Variants in CLTC observed in about 807,000 individuals in gnomAD.
The protein encoded by CLTC is clathrin heavy chain.
A neutral mutation model predicts 195.8 loss-of-function variants in CLTC; 16 were observed. The observed-to-expected ratio is 0.08, with a 90% confidence interval of 0.06 to 0.12. The LOEUF is 0.12. Among genes scored for constraint, CLTC ranks in the 10% least tolerant of loss-of-function variants. The probability of loss-of-function intolerance (pLI) is 1.00; values close to 1 mark genes in which losing one functional copy is unlikely to be tolerated. For synonymous variants in CLTC, 667 were observed against 689.4 expected (o/e 0.97, Z 0.51); for missense variants, 796 against 2,027.0 (o/e 0.39, Z 11.66).
chr17:59,681,463 T>C lies in CLTC; in HGVS notation c.3234T>C (p.Asn1078=), dbSNP rs2033079821. 6.2e-7 allele frequency: 1 copy of C among 1,614,040 alleles called. No individual in the cohort carries two copies. Among genetic ancestry groups the C allele is most frequent in the Non-Finnish European group, 8.5e-7 (1 of 1,179,978 alleles). Residue 1078 remains asparagine (N), a synonymous_variant, in exon 20 of 32, where the codon AAT becomes AAC. Transcript: ENST00000269122. The surrounding 1 kb of genome is among the most constrained non-coding windows in gnomAD (Gnocchi z 5.0). ...AFAIFRKFDV[N]TSAVQVLIEH... is the part of the protein sequence containing the mutation. Reference sequence around the variant, plus strand: ...CCATTTTCCGGAAATTTGATGTCAATACTTCAGCAGTTCAGGTAAATCTTC... The same window carrying C: ...CCATTTTCCGGAAATTTGATGTCAACACTTCAGCAGTTCAGGTAAATCTTC...
In CLTC at chr17:59,685,860, C is replaced by A; in HGVS notation, c.4827+52C>A. The A allele has an allele frequency of 7.8e-7, 1 of 1,280,238 alleles. No homozygotes were observed. The highest frequency in any genetic ancestry group is 1.4e-5 in the South Asian group (1 of 69,700). 79.3% of individuals were successfully genotyped at this position (1,280,238 alleles called of 1,614,324 possible). On this transcript the variant is annotated intron_variant, in intron 30 of 31. Coordinates refer to ENST00000269122, the MANE Select transcript of CLTC (RefSeq NM_004859.4). This position sits in a 1 kb window ranked among gnomAD's most constrained non-coding sequence, Gnocchi z 5.0. The stretch of plus-strand genomic sequence containing the variant: ...AACTAGTTTCCTTGCATGTAAAATT[C>A]TACATGCACATTAATTTTTTTAAAT...
Position 59,696,301 on chromosome 17 carries a change from A to ATATT in CLTC, c.*2450_*2453dup, listed in dbSNP as rs1390880463. On this transcript the variant is annotated 3_prime_UTR_variant, in exon 32 of 32. Coordinates refer to ENST00000269122, the MANE Select transcript of CLTC (RefSeq NM_004859.4). ...GTGCGAAGTGTATTAAATGAATCAA[A>ATATT]TATTAGAAATTTCAAGGCTGTCTTT... is the stretch of plus-strand genomic sequence containing the variant. The ATATT allele has an allele frequency of 5.0e-5, 11 of 221,692 alleles. No individual in the cohort carries two copies. Among genetic ancestry groups the ATATT allele is most frequent in the African/African-American group, 6.7e-5 (3 of 44,750 alleles). The allele number at this position is 221,692 out of a possible 1,614,324, so 13.7% of individuals were successfully genotyped here.
At chr17:59,674,501 A>G (rs547085563) in intron 15 of CLTC, 200 bp from the exon 16 acceptor site, 1 of 538,052 alleles carries the variant, frequency 1.9e-6, no homozygotes, top group East Asian at 3.1e-5. Context: ...TTAAACCATG[A>G]AGTCTTGTTT....
At chr17:59,652,293 T>G (rs927803222) in intron 5 of CLTC, among the ~76,000 whole-genome samples, 1 of 152,190 alleles carries the variant, frequency 6.6e-6, no homozygotes, top group African/African-American at 2.4e-5. Context: ...TCATCAGTGT[T>G]CTTAGTGGCA....
At chr17:59,644,539 GT>G (rs748545396) in intron 2 of CLTC, 56 bp downstream of exon 2, 112 of 1,136,464 alleles carry the variant, frequency 9.9e-5, no homozygotes, top group African/African-American at 1.8e-4. Context: ...GTTTTTTTTT[GT>G]TTTTTTTTTG....
rs539852096 is a variant in CLTC at position 59,620,006 on chromosome 17, C to T, written c.-126C>T. ...TCGTCTGCCTGCCAGTTTCCTGCGT[C>T]CCCGGAGAGGATCCTGCTGAGCCCA... On this transcript the variant is annotated 5_prime_UTR_variant, in exon 1 of 32. Transcript: ENST00000269122. 2 of 786,610 alleles carry T rather than the reference C, an allele frequency of 2.5e-6. No homozygotes were observed. Among genetic ancestry groups the T allele is most frequent in the Admixed American group, 2.4e-5 (1 of 41,922 alleles). The allele number at this position is 786,610 out of a possible 1,614,324, so 48.7% of individuals were successfully genotyped here.
At chr17:59,677,270 A>T in intron 17 of CLTC, 82 bp downstream of exon 17, 1 of 1,065,830 alleles carries the variant, frequency 9.4e-7, no homozygotes, top group South Asian at 1.4e-5. Flanking sequence ...ATTTTAGGTA[A>T]TATGGGACAT....
intron 1 of CLTC, among the ~76,000 whole-genome samples, chr17:59,633,921 T>A (rs1346235923): frequency 6.6e-6 from 1 of 152,196 alleles, no homozygotes; most frequent in Non-Finnish European, 1.5e-5. Context: ...ATTATATATA[T>A]TTTTTGAGAT....
chr17:59,688,101 G>A (rs1567974584), intron 30 of CLTC, among the ~76,000 whole-genome samples: 1 of 152,164 alleles, frequency 6.6e-6, no homozygotes, highest in Non-Finnish European at 1.5e-5. Context: ...AAGCGTGTGT[G>A]TGAAAAACAG....
intron 7 of CLTC, 28 bp from the exon 8 acceptor site, chr17:59,661,415 G>A (rs746024668): frequency 6.3e-6 from 10 of 1,575,632 alleles, no homozygotes; most frequent in Admixed American, 1.7e-5. Context: ...CACTTTCGAA[G>A]AGCGTTTAAC....
intron 18 of CLTC, 72 bp downstream of exon 18, chr17:59,679,591 C>A: frequency 1.5e-6 from 2 of 1,378,596 alleles, no homozygotes; most frequent in Non-Finnish European, 9.7e-7. Context: ...CAATCCTTTC[C>A]CTCATCATGT....
At chr17:59,630,409 T>C (rs1381441453) in intron 1 of CLTC, among the ~76,000 whole-genome samples, 1 of 152,224 alleles carries the variant, frequency 6.6e-6, no homozygotes, top group Non-Finnish European at 1.5e-5. Flanking sequence ...ATCAAAACTT[T>C]TTCAATTGCG....
rs2032731860 is a variant in CLTC at position 59,666,333 on chromosome 17, C to G, written c.1782+93C>G. ...ATTGTTATGCAAAGCTACTGAGGGG[C>G]CTACTCCTTATTAAAGAAAATGTAG... On this transcript the variant is annotated intron_variant, in intron 11 of 31. Coordinates refer to ENST00000269122, the MANE Select transcript of CLTC (RefSeq NM_004859.4). The surrounding 1 kb of genome is among the most constrained non-coding windows in gnomAD (Gnocchi z 4.9). 14 of 1,496,552 alleles carry G rather than the reference C, an allele frequency of 9.4e-6. No homozygotes were observed. The South Asian group carries it at 1.6e-4, about 17-fold the overall frequency. The allele number at this position is 1,496,552 out of a possible 1,614,324, so 92.7% of individuals were successfully genotyped here. A position where few individuals can be genotyped will look rare whatever the true frequency, so the allele number is the denominator to read the frequency against.
intron 1 of CLTC, among the ~76,000 whole-genome samples, chr17:59,635,708 C>T (rs1001098436): frequency 5.3e-5 from 8 of 152,142 alleles, no homozygotes; most frequent in African/African-American, 1.9e-4. Context: ...AGGACCATGG[C>T]CTCTTTGGTC....
In CLTC at chr17:59,693,976, C is replaced by A. The variant is rs966595395; in HGVS notation, c.*124C>A. On this transcript the variant is annotated 3_prime_UTR_variant, in exon 32 of 32. Coordinates refer to ENST00000269122, the MANE Select transcript of CLTC (RefSeq NM_004859.4). ...GTAACCTTTATTTCATGAAGGACTT[C>A]TTTTTGTTTCTAACTATAAACTTGG... The A allele has an allele frequency of 2.0e-6, 2 of 1,001,150 alleles. No homozygotes were observed. The highest frequency in any genetic ancestry group is 1.7e-5 in the African/African-American group (1 of 60,012). 62.0% of individuals were successfully genotyped at this position (1,001,150 alleles called of 1,614,324 possible).
At chr17:59,632,592 G>A (rs1029467153) in intron 1 of CLTC, among the ~76,000 whole-genome samples, 1 of 152,026 alleles carries the variant, frequency 6.6e-6, no homozygotes, top group Non-Finnish European at 1.5e-5. Flanking sequence ...GCAGTGAGCC[G>A]AGATTGCGCC....
At chr17:59,637,964 A>G (rs1390675599) in intron 1 of CLTC, among the ~76,000 whole-genome samples, 1 of 138,968 alleles carries the variant, frequency 7.2e-6, no homozygotes, top group Non-Finnish European at 1.6e-5. Flanking sequence ...TTTTCTCCTC[A>G]CTTCCCCAAC....
At chr17:59,671,010 C>G (rs762880324) in intron 14 of CLTC, 5 of 152,198 alleles carry the variant, frequency 3.3e-5, no homozygotes, top group Admixed American at 6.5e-5. Flanking sequence ...TCAGTTTCTT[C>G]AACCATAAGC....
At chr17:59,644,783 C>A (rs1354689196) in intron 2 of CLTC, among the ~76,000 whole-genome samples, 1 of 152,174 alleles carries the variant, frequency 6.6e-6, no homozygotes, top group African/African-American at 2.4e-5. Flanking sequence ...GAACTCCTAA[C>A]CTCATGATCC....
Sources: allele counts gnomAD v4.1 joint callset (sites outside exome capture counted in the v4.1 genomes callset), GRCh38; gene constraint gnomAD v4.1.1; non-coding constraint Gnocchi (gnomAD v3.1); transcripts MANE v1.5; gene names NCBI Gene and HGNC (gene_info 2026-07-23, HGNC 2026-07-21).